Variants in TEX15 observed in about 807,000 individuals in gnomAD.
TEX15 encodes the protein testis expressed 15, meiosis and synapsis associated, also known as testis-expressed protein 15.
A neutral mutation model predicts 237.3 loss-of-function variants in TEX15; 171 were observed. The ratio of observed to expected loss-of-function variants is 0.72; its 90% CI spans 0.64 to 0.82. TEX15 has a LOEUF of 0.82. Ranked by LOEUF, TEX15 falls within the 40% of genes least tolerant of loss-of-function variation. The pLI, the probability that TEX15 is intolerant of heterozygous loss-of-function variation, is 0.00. For synonymous variants in TEX15, 1,338 were observed against 1,269.8 expected (o/e 1.05, Z -1.14); for missense variants, 3,750 against 3,646.5 (o/e 1.03, Z -0.73).
Position 30,896,427 on chromosome 8 carries a change from G to GAACC in TEX15, c.-10+2311_-10+2314dup, listed in dbSNP as rs372132319. On this transcript the variant is annotated intron_variant, in intron 2 of 10. Coordinates refer to ENST00000643185, the MANE Select transcript of TEX15 (RefSeq NM_001350162.2). The stretch of plus-strand genomic sequence containing the variant: ...ATTACCAAATTCTGTTGGAGAAGAT[G>GAACC]AACCATCTATTCAGTCCACTTCCTT... Among the ~76,000 whole-genome samples the GAACC allele has an allele frequency of 3.0e-3, 456 of 152,094 alleles. 2 individuals are homozygous for GAACC. The highest frequency in any genetic ancestry group is 0.01 in the African/African-American group (427 of 41,478).
chr8:30,888,300 T>G (rs1300495099), intron 2 of TEX15, among the ~76,000 whole-genome samples: 1 of 152,160 alleles, frequency 6.6e-6, no homozygotes, highest in Non-Finnish European at 1.5e-5. Flanking sequence ...GATCTCTGGC[T>G]TTAGAAGAAA....
chr8:30,862,281 C>T (rs565549062), intron 5 of TEX15, among the ~76,000 whole-genome samples: 115 of 152,148 alleles, frequency 7.6e-4, no homozygotes, highest in African/African-American at 2.1e-3. Context: ...AACTTATATC[C>T]TAACATTACA....
At position 30,844,780 on chromosome 8, in the gene TEX15, G is replaced by GCTA. The variant is rs754496351; in HGVS notation, c.5384_5386dup (p.Val1795dup). On this transcript the variant is annotated inframe_insertion, in exon 8 of 11. Coordinates refer to ENST00000643185, the MANE Select transcript of TEX15 (RefSeq NM_001350162.2). Reference sequence around the variant, plus strand: ...ACTTTTATCTTCTTCAGTTCCTGATGCTACATCCAACTCATAATTCTCAGT... The same window carrying GCTA: ...ACTTTTATCTTCTTCAGTTCCTGATGCTACTACATCCAACTCATAATTCTCAGT... 1 of 1,613,412 alleles carries GCTA rather than the reference G, an allele frequency of 6.2e-7. No individual in the cohort carries two copies. Among genetic ancestry groups the GCTA allele is most frequent in the Non-Finnish European group, 8.5e-7 (1 of 1,179,586 alleles).
chr8:30,844,449 A>C lies in TEX15; in HGVS notation c.5718T>G (p.Thr1906=). The change falls in exon 8 of 11, where the codon ACT becomes ACG. Residue 1906 remains threonine, a synonymous_variant. Coordinates refer to ENST00000643185, the MANE Select transcript of TEX15 (RefSeq NM_001350162.2). The part of the protein sequence containing the change: ...DSHLSTKNTT[T]ESVPLKNTVS... ...CTGTGTTCTTCAAAGGGACTGACTC[A>C]GTGGTAGTATTTTTAGTGCTCAGAT... 2 of 1,613,178 alleles carry C rather than the reference A, an allele frequency of 1.2e-6. No individual in the cohort carries two copies. Among genetic ancestry groups the C allele is most frequent in the Non-Finnish European group, 1.7e-6 (2 of 1,179,552 alleles).
intron 8 of TEX15, among the ~76,000 whole-genome samples, chr8:30,840,716 A>G (rs1317676565): frequency 2.0e-5 from 3 of 152,198 alleles, no homozygotes; most frequent in Non-Finnish European, 4.4e-5. Context: ...CAGAAGACAT[A>G]TATGACTTAT....
intron 10 of TEX15, among the ~76,000 whole-genome samples, 195 bp downstream of exon 10, chr8:30,836,608 G>T (rs148832452): frequency 6.6e-6 from 1 of 151,842 alleles, no homozygotes; most frequent in South Asian, 2.1e-4. Context: ...GATACTGACA[G>T]TTTTTTTTCT....
rs1203818398 is a variant in TEX15 at position 30,852,406 on chromosome 8, C to CTT, written c.851-3092_851-3091dup. Among the ~76,000 whole-genome samples the CTT allele has an allele frequency of 4.6e-5, 7 of 152,186 alleles. No individual in the cohort carries two copies. The East Asian group carries it at 1.3e-3, about 29-fold the overall frequency. On this transcript the variant is annotated intron_variant, in intron 7 of 10. Transcript: ENST00000643185. ...CCGCGCCTGGCCACATTAATTTAAT[C>CTT]TTAATAACATTTCCATTTTACTGAT...
rs771450950 is a variant in TEX15, at chr8:30,839,878, T to C, written c.8222+28A>G. On this transcript the variant is annotated intron_variant, in intron 9 of 10. Transcript: ENST00000643185. The stretch of plus-strand genomic sequence containing the variant: ...TTGCCCAATTTTGTTCAATTTTTTT[T>C]CCACATAGGGCTGATGGGAACTCCT... The C allele has an allele frequency of 9.7e-6, 15 of 1,540,504 alleles. No homozygotes were observed. In the Admixed American group the frequency reaches 2.9e-4, roughly 30 times the overall value.
chr8:30,856,431 C>G (rs1328185160), intron 7 of TEX15, among the ~76,000 whole-genome samples: 1 of 151,890 alleles, frequency 6.6e-6, no homozygotes, highest in Non-Finnish European at 1.5e-5. Context: ...TGGTGCGCAC[C>G]TGTAGTCCCA....
intron 3 of TEX15, among the ~76,000 whole-genome samples, chr8:30,880,827 C>T (rs1217328033): frequency 6.6e-6 from 1 of 152,112 alleles, no homozygotes; most frequent in Non-Finnish European, 1.5e-5. Context: ...GTGCCCCTAA[C>T]CCCTGGGTTG....
At position 30,831,705 on chromosome 8, in the gene TEX15, T is replaced by A. The variant is rs1807183055; in HGVS notation, c.*1581A>T. ...ATCTGAAAGTTGTTTAAAGAAACAA[T>A]CCTTAACTAGAATATTTAACTTTTG... On this transcript the variant is annotated 3_prime_UTR_variant, in exon 11 of 11. Transcript: ENST00000643185. 6.6e-6 allele frequency: 1 copy of A among 152,210 alleles called. No individual in the cohort carries two copies. The highest frequency in any genetic ancestry group is 2.4e-5 in the African/African-American group (1 of 41,450). The allele number at this position is 152,210 out of a possible 1,614,324, so 9.4% of individuals were successfully genotyped here.
chr8:30,846,941 G>C lies in TEX15; in HGVS notation c.3226C>G (p.Gln1076Glu). 6.2e-7 allele frequency: 1 copy of C among 1,613,624 alleles called. No homozygotes were observed. Among genetic ancestry groups the C allele is most frequent in the Non-Finnish European group, 8.5e-7 (1 of 1,179,662 alleles). ...ATGTTTTCATGGCTATGTGTATCTT[G>C]TTGAAATATAAAAGCATCATCACAA... ...EDCDDAFIFQ[Q>E]DTHSHENMLC... Residue 1076 changes from glutamine to glutamate, a missense_variant, in exon 8 of 11, where the codon CAA becomes GAA. Coordinates refer to ENST00000643185, the MANE Select transcript of TEX15 (RefSeq NM_001350162.2).
chr8:30,861,247 C>T (rs1808044675), intron 5 of TEX15, among the ~76,000 whole-genome samples: 1 of 152,078 alleles, frequency 6.6e-6, no homozygotes, highest in South Asian at 2.1e-4. Flanking sequence ...AATGAAAATA[C>T]TGTAGAAAGA....
intron 2 of TEX15, 41 bp from the exon 3 acceptor site, chr8:30,887,352 A>C (rs1364991874): frequency 6.7e-7 from 1 of 1,486,978 alleles, no homozygotes; most frequent in African/African-American, 1.4e-5. Flanking sequence ...AGGTCAATAA[A>C]TACATAAAAG....
At chr8:30,860,118 T>C in intron 5 of TEX15, 61 bp from the exon 6 acceptor site, 2 of 1,312,352 alleles carry the variant, frequency 1.5e-6, no homozygotes, top group Non-Finnish European at 2.0e-6. Context: ...TTCTAAACTG[T>C]CACATTTCAA....
chr8:30,900,113 T>C (rs1042469417), intron 1 of TEX15, among the ~76,000 whole-genome samples: 7 of 152,194 alleles, frequency 4.6e-5, no homozygotes, highest in Admixed American at 6.5e-5. Context: ...ACACTGTAGA[T>C]TGGTCTTTGA....
At chr8:30,911,264 C>T (rs1267720055) in intron 1 of TEX15, among the ~76,000 whole-genome samples, 1 of 152,138 alleles carries the variant, frequency 6.6e-6, no homozygotes, top group Non-Finnish European at 1.5e-5. Context: ...AGATTACAGG[C>T]GCGTGGCAAC....
intron 1 of TEX15, among the ~76,000 whole-genome samples, chr8:30,902,030 G>A (rs531676695): frequency 3.4e-4 from 51 of 152,204 alleles, no homozygotes; most frequent in African/African-American, 1.2e-3. Flanking sequence ...GCACAACCTG[G>A]GAACTTGTTG....
At chr8:30,880,063 C>G (rs904177697) in intron 3 of TEX15, among the ~76,000 whole-genome samples, 2 of 152,098 alleles carry the variant, frequency 1.3e-5, no homozygotes, top group African/African-American at 4.8e-5. Context: ...GAATCTTGCT[C>G]TGTCACCCAG....
Sources: gnomAD v4.1 joint callset for allele counts (sites outside exome capture counted in the v4.1 genomes callset) on GRCh38, gnomAD v4.1.1 for gene constraint, MANE v1.5 for transcripts, NCBI Gene and HGNC (gene_info 2026-07-23, HGNC 2026-07-21) for gene names.